PJA2: variants seen among roughly 807,000 people sequenced by gnomAD.
The protein encoded by PJA2 is praja ring finger ubiquitin ligase 2, also known as E3 ubiquitin-protein ligase Praja-2.
In PJA2, 25 loss-of-function variants were observed where a neutral mutation model predicts 69.3. That is an observed-to-expected ratio of 0.36 (90% CI 0.26 to 0.50). The LOEUF (loss-of-function observed/expected upper bound fraction) is 0.50, where lower values mean the gene tolerates loss of function less well. Among genes scored for constraint, PJA2 ranks in the 20% least tolerant of loss-of-function variants. PJA2 has a pLI of 0.96. For missense variants in PJA2, 809 were observed against 830.2 expected (o/e 0.97, Z 0.31); for synonymous variants, 308 against 277.8 (o/e 1.11, Z -1.08).
At position 109,406,253 on chromosome 5, in the gene PJA2, G is replaced by A. The variant is rs143718416; in HGVS notation, c.-88+3589C>T. Among the ~76,000 whole-genome samples, 1,138 of 152,238 alleles carry A rather than the reference G, an allele frequency of 7.5e-3. 5 individuals are homozygous for A. The highest frequency in any genetic ancestry group is 0.027 in the Middle Eastern group (8 of 294). On this transcript the variant is annotated intron_variant, in intron 1 of 9. Coordinates refer to ENST00000361189, the MANE Select transcript of PJA2 (RefSeq NM_014819.5). ...GATGGGGCTTCACCGTGTTAGCCAG[G>A]ATGGTCTGGATCTCCTGACCTCGTG...
At chr5:109,353,429 GATACCTATATATAGATATC>G (rs1467296959) in intron 7 of PJA2, among the ~76,000 whole-genome samples, 1 of 47,318 alleles carries the variant, frequency 2.1e-5, no homozygotes, top group African/African-American at 5.4e-5. Flanking sequence ...CTATATATTA[GATACCTATATATAGATATC>G]TATATATTAG....
In PJA2 at chr5:109,379,131, A is replaced by G. The variant is rs572164175; in HGVS notation, c.356T>C (p.Phe119Ser). The G allele has an allele frequency of 1.9e-6, 3 of 1,614,148 alleles. No individual in the cohort carries two copies. Among genetic ancestry groups the G allele is most frequent in the Non-Finnish European group, 2.5e-6 (3 of 1,180,010 alleles). ...TTCCTCACTGTGATGTACTGCAACA[A>G]AGGATTGACTGCTCTCAGTGGTTTG... ...LNQTTESSQS[F>S]VAVHHSEEGR... The change falls in exon 4 of 10, where the codon TTT becomes TCT. Residue 119 changes from phenylalanine (F) to serine (S), a missense_variant. Physicochemically the swap from Phe to Ser is radical, Grantham distance 155 (BLOSUM62 -2). This residue lies in a region of PJA2 where 700 missense variants were observed against 639.5 expected (regional missense o/e 1.09). Coordinates refer to ENST00000361189, the MANE Select transcript of PJA2 (RefSeq NM_014819.5).
At chr5:109,371,089 T>C (rs1762667885) in intron 4 of PJA2, among the ~76,000 whole-genome samples, 1 of 152,188 alleles carries the variant, frequency 6.6e-6, no homozygotes, top group Middle Eastern at 3.2e-3. Flanking sequence ...GGTTTTTACA[T>C]GTTTATCTTT....
Position 109,378,601 on chromosome 5 carries a change from C to G in PJA2, c.886G>C (p.Glu296Gln). The change falls in exon 4 of 10, where the codon GAA becomes CAA. Residue 296 changes from glutamate (E) to glutamine (Q), a missense_variant. Around this residue, in one of 4 missense-constraint regions of PJA2, gnomAD observed 700 missense variants for 639.5 expected, o/e 1.09. Coordinates refer to ENST00000361189, the MANE Select transcript of PJA2 (RefSeq NM_014819.5). ...TTTTCCCTATCATTGGTATTTTGTT[C>G]ACTACAAATATGCCCTGGACCACAG... ...AACGPGHICS[E>Q]QNTNDREKNH... 3 of 1,614,146 alleles carry G rather than the reference C, an allele frequency of 1.9e-6. No individual in the cohort carries two copies. The highest frequency in any genetic ancestry group is 2.5e-6 in the Non-Finnish European group (3 of 1,180,008).
intron 7 of PJA2, among the ~76,000 whole-genome samples, chr5:109,345,180 T>TAAAAAA (rs60910860): frequency 1.9e-5 from 2 of 103,984 alleles, no homozygotes; most frequent in Admixed American, 1.0e-4. Context: ...CCGTCTCTAG[T>TAAAAAA]AAAAAAAAAA....
chr5:109,383,443 C>A lies in PJA2; in HGVS notation c.-10G>T, dbSNP rs145526473. ...CAGTGTACTGTGACATATATGGCAG[C>A]GTCTGTGTGACCAGTTCAGTAGAAT... On this transcript the variant is annotated 5_prime_UTR_variant, in exon 2 of 10. Transcript: ENST00000361189. 1.7e-4 allele frequency: 280 copies of A among 1,610,816 alleles called. 2 individuals are homozygous for A. In the East Asian group the frequency reaches 5.9e-3, roughly 34 times the overall value.
At chr5:109,392,989 G>A (rs1014168357) in intron 1 of PJA2, among the ~76,000 whole-genome samples, 11 of 151,944 alleles carry the variant, frequency 7.2e-5, no homozygotes, top group Admixed American at 7.2e-4. Context: ...CTAAATAAGG[G>A]GCCAATGAAC....
chr5:109,359,381 C>CCT (rs111600055), intron 6 of PJA2, among the ~76,000 whole-genome samples: 5,784 of 152,208 alleles, frequency 0.038, 112 homozygotes, highest in Middle Eastern at 0.051. Flanking sequence ...ACCCCTAACC[C>CCT]GTGTTGTTCA....
chr5:109,409,954 TGTGGCGGCGGCGGCGGCG>T lies in PJA2; in HGVS notation c.-218_-201del, dbSNP rs997386952. ...CGCCGAACGCGAAGCGGCTGGCGGCTGTGGCGGCGGCGGCGGCGGTGGCGGCGGCGGAAGCAGAGGCGG... is the reference window on the plus strand; with the variant it reads ...CGCCGAACGCGAAGCGGCTGGCGGCTGTGGCGGCGGCGGAAGCAGAGGCGG... On this transcript the variant is annotated 5_prime_UTR_variant, in exon 1 of 10. Coordinates refer to ENST00000361189, the MANE Select transcript of PJA2 (RefSeq NM_014819.5). The T allele has an allele frequency of 8.0e-5, 17 of 211,228 alleles. 1 individual carries two copies. The highest frequency in any genetic ancestry group is 3.1e-4 in the Admixed American group (5 of 16,104). 13.1% of individuals were successfully genotyped at this position (211,228 alleles called of 1,614,324 possible). A position where few individuals can be genotyped will look rare whatever the true frequency, so the allele number is the denominator to read the frequency against.
Position 109,354,140 on chromosome 5 carries a change from ATAGAT to A in PJA2, c.1764+1770_1764+1774del, listed in dbSNP as rs1368526586. ...ATATCTATGGTATCTAGAGCTGTCT[ATAGAT>A]TAGATATCTATGATATCTAGAGATG... On this transcript the variant is annotated intron_variant, in intron 7 of 9. Transcript: ENST00000361189. Among the ~76,000 whole-genome samples the A allele has an allele frequency of 7.2e-5, 9 of 125,366 alleles. 1 individual carries two copies. Among genetic ancestry groups the A allele is most frequent in the East Asian group, 2.1e-4 (1 of 4,732 alleles). 82.2% of individuals were successfully genotyped at this position (125,366 alleles called of 152,430 possible).
At chr5:109,383,648 T>C (rs1165525607) in intron 1 of PJA2, 128 bp from the exon 2 acceptor site, 5 of 412,820 alleles carry the variant, frequency 1.2e-5, no homozygotes, top group African/African-American at 2.0e-5. Flanking sequence ...GTAGCCAGCA[T>C]GGTGGCAAAT....
intron 4 of PJA2, among the ~76,000 whole-genome samples, chr5:109,372,514 C>A (rs1462422727): frequency 6.6e-6 from 1 of 152,142 alleles, no homozygotes; most frequent in African/African-American, 2.4e-5. Flanking sequence ...GCTTCTTTAA[C>A]ATTGCAATTA....
Position 109,363,302 on chromosome 5 carries a change from CG to C in PJA2, c.1470-281del, listed in dbSNP as rs1204871602. Reference sequence around the variant, plus strand: ...CTGTTTTCTCCTTCTGTAGGAGAAACGTAAGAAAAATCCAACCCTGACTACT... The same window carrying C: ...CTGTTTTCTCCTTCTGTAGGAGAAACTAAGAAAAATCCAACCCTGACTACT... On this transcript the variant is annotated intron_variant, in intron 5 of 9. Transcript: ENST00000361189. 3.3e-5 allele frequency among the ~76,000 whole-genome samples: 5 copies of C among 152,106 alleles called. No homozygotes were observed. The East Asian group carries it at 5.8e-4, about 18-fold the overall frequency.
chr5:109,373,844 T>G (rs879314146), intron 4 of PJA2, among the ~76,000 whole-genome samples: 2 of 152,126 alleles, frequency 1.3e-5, no homozygotes, highest in African/African-American at 2.4e-5. Flanking sequence ...CAGAATGAAA[T>G]TATAGACAAA....
intron 1 of PJA2, among the ~76,000 whole-genome samples, chr5:109,395,144 T>G (rs1747377917): frequency 6.6e-6 from 1 of 152,204 alleles, no homozygotes; most frequent in African/African-American, 2.4e-5. Flanking sequence ...TTCTCACATG[T>G]AAAATTTCAA....
intron 1 of PJA2, among the ~76,000 whole-genome samples, chr5:109,390,344 T>C (rs1487070914): frequency 3.3e-5 from 5 of 152,026 alleles, no homozygotes; most frequent in Admixed American, 2.0e-4. Context: ...TTTTTTCTCT[T>C]ATCTCTCATA....
chr5:109,358,336 C>T (rs1762452399), intron 6 of PJA2, among the ~76,000 whole-genome samples: 3 of 152,214 alleles, frequency 2.0e-5, no homozygotes, highest in Admixed American at 2.0e-4. Context: ...CCCATCCCTT[C>T]GTTTCCCATA....
chr5:109,394,204 T>C (rs1333204598), intron 1 of PJA2, among the ~76,000 whole-genome samples: 5 of 151,882 alleles, frequency 3.3e-5, no homozygotes, highest in Non-Finnish European at 7.4e-5. Context: ...CCCGCCACCA[T>C]GCCTGGATAA....
At chr5:109,350,631 C>T (rs762326648) in intron 7 of PJA2, among the ~76,000 whole-genome samples, 3 of 152,154 alleles carry the variant, frequency 2.0e-5, no homozygotes, top group Non-Finnish European at 4.4e-5. Context: ...AAGGCTTTAA[C>T]ACAATCTCAC....
Sources: allele counts gnomAD v4.1 joint callset (sites outside exome capture counted in the v4.1 genomes callset), GRCh38; gene constraint gnomAD v4.1.1; regional missense constraint gnomAD v4.1.1; transcripts MANE v1.5; gene names NCBI Gene and HGNC (gene_info 2026-07-23, HGNC 2026-07-21).